The following EXOC4 variants were observed in gnomAD, a reference collection of about 807,000 sequenced individuals.
EXOC4 encodes SEC8-like 1.
In EXOC4, 71 loss-of-function variants were observed where a neutral mutation model predicts 107.2. That is an observed-to-expected ratio of 0.66 (90% confidence interval 0.55 to 0.81). EXOC4 has a LOEUF of 0.81. Ranked by LOEUF, EXOC4 falls within the 30% of genes least tolerant of loss-of-function variation. The pLI, the probability that EXOC4 is intolerant of heterozygous loss-of-function variation, is 0.00. For synonymous variants in EXOC4, 456 were observed against 441.2 expected, an observed-to-expected ratio of 1.03 and a Z score of -0.42; for missense variants, 1,108 against 1,189.6, an observed-to-expected ratio of 0.93 and a Z score of 1.01.
At chr7:133,584,419 G>A (rs763925850) in intron 9 of EXOC4, among the ~76,000 whole-genome samples, 2 of 152,048 alleles carry the variant, frequency 1.3e-5, no homozygotes, top group Non-Finnish European at 2.9e-5. Context: ...GTAGTTGGAA[G>A]CCAGAGTTGG....
At chr7:133,776,211 A>G (rs566609578) in intron 10 of EXOC4, among the ~76,000 whole-genome samples, 1 of 78,848 alleles carries the variant, frequency 1.3e-5, no homozygotes, top group East Asian at 5.4e-4. Context: ...TCACGAGTCT[A>G]TTTTCTAATT....
chr7:133,986,379 GT>G (rs1794114520), intron 14 of EXOC4, among the ~76,000 whole-genome samples: 2 of 152,210 alleles, frequency 1.3e-5, no homozygotes, highest in African/African-American at 4.8e-5. Context: ...ATTATAGATG[GT>G]TTGGAAGATG....
At chr7:133,425,018 G>T (rs953263578) in intron 7 of EXOC4, among the ~76,000 whole-genome samples, 4 of 152,150 alleles carry the variant, frequency 2.6e-5, no homozygotes, top group Non-Finnish European at 5.9e-5. Flanking sequence ...CCTAGGGCCA[G>T]AGCTCAGGAT....
chr7:133,424,225 T>A (rs62472378), intron 7 of EXOC4, among the ~76,000 whole-genome samples: 1 of 152,026 alleles, frequency 6.6e-6, no homozygotes, highest in Non-Finnish European at 1.5e-5. Flanking sequence ...TGCTGCTCAC[T>A]CTTTGGGTGC....
Position 134,064,304 on chromosome 7 carries a change from A to G in EXOC4, c.2701A>G (p.Met901Val), listed in dbSNP as rs1185382763. Residue 901 changes from methionine to valine, a missense_variant, in exon 18 of 18, where the codon ATG becomes GTG. Coordinates refer to ENST00000253861, the MANE Select transcript of EXOC4 (RefSeq NM_021807.4). ...DLDFARQYYE[M>V]LYNTADELLN... ...TTGCTTTCTCAGGCAGTACTACGAG[A>G]TGCTTTACAACACAGCTGACGAGCT... 8 of 1,462,088 alleles carry G rather than the reference A, an allele frequency of 5.5e-6. No individual in the cohort carries two copies. The highest frequency in any genetic ancestry group is 7.3e-6 in the Non-Finnish European group (8 of 1,097,500). The allele number at this position is 1,462,088 out of a possible 1,614,324, so 90.6% of individuals were successfully genotyped here. A position where few individuals can be genotyped will look rare whatever the true frequency, so the allele number is the denominator to read the frequency against.
chr7:133,466,312 A>G (rs1182970764), intron 7 of EXOC4, among the ~76,000 whole-genome samples: 3 of 152,164 alleles, frequency 2.0e-5, no homozygotes, highest in African/African-American at 7.2e-5. Context: ...AGACCAACCA[A>G]TTAAAAAAGA....
intron 14 of EXOC4, among the ~76,000 whole-genome samples, chr7:133,990,835 GAT>G (rs1794238961): frequency 6.6e-6 from 1 of 152,124 alleles, no homozygotes; most frequent in African/African-American, 2.4e-5. Context: ...TGAATTGGTG[GAT>G]ATTTAGGCTG....
intron 14 of EXOC4, among the ~76,000 whole-genome samples, chr7:133,947,728 G>C (rs1800588500): frequency 6.6e-6 from 1 of 152,174 alleles, no homozygotes; most frequent in Admixed American, 6.5e-5. Flanking sequence ...TGTAATTATG[G>C]AGTTCTAAGT....
chr7:133,686,889 G>T (rs767608835), intron 10 of EXOC4, among the ~76,000 whole-genome samples: 1 of 151,938 alleles, frequency 6.6e-6, no homozygotes, highest in South Asian at 2.1e-4. Context: ...GTCATTATAC[G>T]AAAAAGATAC....
chr7:133,483,869 C>T (rs1034688785), intron 9 of EXOC4, among the ~76,000 whole-genome samples: 7 of 152,130 alleles, frequency 4.6e-5, no homozygotes, highest in Non-Finnish European at 1.0e-4. Context: ...GGTCCAAGGA[C>T]CACAATGAGA....
At chr7:133,927,059 C>G (rs760415968) in intron 13 of EXOC4, among the ~76,000 whole-genome samples, 6 of 151,878 alleles carry the variant, frequency 4.0e-5, no homozygotes, top group Non-Finnish European at 7.4e-5. Flanking sequence ...CTAAGAGGTC[C>G]TCGTACCATA....
At chr7:133,583,691 G>T (rs1277986710) in intron 9 of EXOC4, among the ~76,000 whole-genome samples, 1 of 152,214 alleles carries the variant, frequency 6.6e-6, no homozygotes, top group Non-Finnish European at 1.5e-5. Context: ...AGGTGCAGCT[G>T]AAGGGAGAGA....
chr7:133,702,791 A>G (rs1245443457), intron 10 of EXOC4, among the ~76,000 whole-genome samples: 1 of 152,226 alleles, frequency 6.6e-6, no homozygotes, highest in East Asian at 1.9e-4. Context: ...TCTTTCTTTA[A>G]TTTTATAAAC....
rs868474044 is a variant in EXOC4 at position 133,343,209 on chromosome 7, G to C, written c.764-13121G>C. ...CTGTTTAAATTTTTTTTGGCCCCCA[G>C]CATGATCCCTTGATGTGGTGCTCTC... On this transcript the variant is annotated intron_variant, in intron 5 of 17. Coordinates refer to ENST00000253861, the MANE Select transcript of EXOC4 (RefSeq NM_021807.4). 5.3e-5 allele frequency among the ~76,000 whole-genome samples: 8 copies of C among 152,166 alleles called. No individual in the cohort carries two copies. The South Asian group carries it at 1.2e-3, about 24-fold the overall frequency.
At chr7:133,886,591 G>T (rs939402386) in intron 11 of EXOC4, among the ~76,000 whole-genome samples, 3 of 151,632 alleles carry the variant, frequency 2.0e-5, no homozygotes, top group African/African-American at 4.9e-5. Flanking sequence ...TTTATTACCT[G>T]GTAATAAGTT....
At chr7:133,779,240 T>C (rs1796409751) in intron 10 of EXOC4, among the ~76,000 whole-genome samples, 1 of 152,210 alleles carries the variant, frequency 6.6e-6, no homozygotes, top group African/African-American at 2.4e-5. Context: ...CTACTTGCCA[T>C]TTTCATCATA....
intron 6 of EXOC4, among the ~76,000 whole-genome samples, chr7:133,371,093 T>A (rs1796366329): frequency 6.6e-6 from 1 of 152,214 alleles, no homozygotes; most frequent in African/African-American, 2.4e-5. Context: ...AGTAAGAATG[T>A]AAAGGAATCA....
chr7:133,333,100 C>T (rs1297110451), intron 5 of EXOC4, among the ~76,000 whole-genome samples: 2 of 152,002 alleles, frequency 1.3e-5, no homozygotes, highest in African/African-American at 4.8e-5. Flanking sequence ...TTCTGTCATT[C>T]TTTTTTCATT....
intron 10 of EXOC4, among the ~76,000 whole-genome samples, chr7:133,634,866 G>A (rs960977888): frequency 1.3e-5 from 2 of 152,120 alleles, no homozygotes; most frequent in East Asian, 3.8e-4. Flanking sequence ...AGCCATGCCC[G>A]GATAGATTCT....
Sources: allele counts gnomAD v4.1 joint callset (sites outside exome capture counted in the v4.1 genomes callset), GRCh38; gene constraint gnomAD v4.1.1; transcripts MANE v1.5; gene names NCBI Gene and HGNC (gene_info 2026-07-23, HGNC 2026-07-21).